The following KIF13B variants were observed in gnomAD, a reference collection of about 807,000 sequenced individuals.
The protein encoded by KIF13B is kinesin family member 13B.
Under a neutral mutation model 222.0 loss-of-function variants are expected in KIF13B, and 127 were observed. The observed-to-expected ratio is 0.57, with a 90% CI of 0.50 to 0.66. The LOEUF is 0.66. Among genes scored for constraint, KIF13B ranks in the 30% least tolerant of loss-of-function variants. The pLI, the probability that KIF13B is intolerant of heterozygous loss-of-function variation, is 0.00. For synonymous variants in KIF13B, 976 were observed against 919.0 expected (o/e 1.06, Z -1.12); for missense variants, 2,173 against 2,379.0 (o/e 0.91, Z 1.80).
chr8:29,085,023 T>A (rs1807981755), intron 37 of KIF13B, among the ~76,000 whole-genome samples: 1 of 152,268 alleles, frequency 6.6e-6, no homozygotes, highest in Non-Finnish European at 1.5e-5. Context: ...CTTATGAATA[T>A]GTTCAAACCA....
rs1264515577 is a variant in KIF13B, at chr8:29,073,583, C to G, written c.4522-1267G>C. ...TGGTGGGGTGGAGAGCACTGCTATCCAGAAGAAATATGTTTTCCGATATTT... is the reference window on the plus strand; with the variant it reads ...TGGTGGGGTGGAGAGCACTGCTATCGAGAAGAAATATGTTTTCCGATATTT... On this transcript the variant is annotated intron_variant, in intron 38 of 39. Coordinates refer to ENST00000524189, the MANE Select transcript of KIF13B (RefSeq NM_015254.4). Among the ~76,000 whole-genome samples, 10 of 152,054 alleles carry G rather than the reference C, an allele frequency of 6.6e-5. 1 individual carries two copies. The highest frequency in any genetic ancestry group is 2.4e-5 in the African/African-American group (1 of 41,386).
chr8:29,255,866 C>T (rs1816457343), intron 1 of KIF13B, among the ~76,000 whole-genome samples: 1 of 152,104 alleles, frequency 6.6e-6, no homozygotes, highest in Non-Finnish European at 1.5e-5. Flanking sequence ...CACATTTTTC[C>T]TCCCTAGGCA....
chr8:29,134,344 C>A, intron 21 of KIF13B, 134 bp from the exon 22 acceptor site: 1 of 751,032 alleles, frequency 1.3e-6, no homozygotes. Context: ...CCCATTCACC[C>A]TGAGACTGGA....
intron 1 of KIF13B, among the ~76,000 whole-genome samples, chr8:29,261,488 C>G (rs976820423): frequency 6.6e-6 from 1 of 152,168 alleles, no homozygotes; most frequent in Admixed American, 6.5e-5. Flanking sequence ...TAAGAATGTG[C>G]TGAAACCATC....
intron 2 of KIF13B, among the ~76,000 whole-genome samples, chr8:29,197,353 A>AAAAAAAAAC (rs1813483558): frequency 6.7e-6 from 1 of 149,606 alleles, no homozygotes; most frequent in South Asian, 2.1e-4. Flanking sequence ...AAAAAAAAAA[A>AAAAAAAAAC]AAAAAAAACT....
At chr8:29,158,252 T>C (rs1811624655) in intron 13 of KIF13B, among the ~76,000 whole-genome samples, 1 of 152,136 alleles carries the variant, frequency 6.6e-6, no homozygotes, top group Non-Finnish European at 1.5e-5. Flanking sequence ...TTACTGTCCA[T>C]CTTGTATTCC....
intron 3 of KIF13B, among the ~76,000 whole-genome samples, chr8:29,192,125 T>C (rs1813217896): frequency 6.6e-6 from 1 of 152,146 alleles, no homozygotes; most frequent in Admixed American, 6.5e-5. Flanking sequence ...AGATTTTGGG[T>C]CTTCTCAAGG....
At chr8:29,195,314 A>C (rs1313265873) in intron 3 of KIF13B, among the ~76,000 whole-genome samples, 4 of 152,194 alleles carry the variant, frequency 2.6e-5, no homozygotes, top group African/African-American at 9.7e-5. Context: ...GATGAGAGAA[A>C]GTTTACATAT....
At position 29,116,900 on chromosome 8, in the gene KIF13B, C is replaced by G. The variant is rs912575096; in HGVS notation, c.3768G>C (p.Gln1256His). 6.2e-7 allele frequency: 1 copy of G among 1,613,712 alleles called. No homozygotes were observed. Among genetic ancestry groups the G allele is most frequent in the Non-Finnish European group, 8.5e-7 (1 of 1,179,688 alleles). Residue 1256 changes from glutamine (Q) to histidine (H), a missense_variant, in exon 31 of 40, where the codon CAG becomes CAC. Gln to His is a conservative substitution (Grantham distance 24, BLOSUM62 0). This residue lies in a region of KIF13B where 1,480 missense variants were observed against 1,722.8 expected (regional missense o/e 0.86). Transcript: ENST00000524189. ...RLFLIVRVTV[Q>H]LSHPADMQLV... Reference sequence around the variant, plus strand: ...GTTGCATGTCAGCAGGGTGGCTGAGCTGGACCGTCACGCGCACGATCAGGA... The same window carrying G: ...GTTGCATGTCAGCAGGGTGGCTGAGGTGGACCGTCACGCGCACGATCAGGA...
chr8:29,086,432 G>A (rs1808051599), intron 37 of KIF13B, among the ~76,000 whole-genome samples: 1 of 152,150 alleles, frequency 6.6e-6, no homozygotes, highest in African/African-American at 2.4e-5. Context: ...GAGGTTAGAG[G>A]ATCACCTGAG....
chr8:29,181,813 T>C, intron 7 of KIF13B, 106 bp downstream of exon 7: 1 of 634,236 alleles, frequency 1.6e-6, no homozygotes, highest in South Asian at 2.3e-5. Context: ...TATTAAGTGA[T>C]GCTATTATAT....
chr8:29,243,087 C>A (rs1815852501), intron 2 of KIF13B, among the ~76,000 whole-genome samples: 1 of 152,176 alleles, frequency 6.6e-6, no homozygotes, highest in East Asian at 1.9e-4. Flanking sequence ...TGGCTCACGC[C>A]TGTAATCTCA....
rs745847947 is a variant in KIF13B, at chr8:29,109,922, C to T, written c.4079G>A (p.Arg1360His). The T allele has an allele frequency of 3.7e-6, 6 of 1,613,276 alleles. No individual in the cohort carries two copies. Among genetic ancestry groups the T allele is most frequent in the South Asian group, 2.2e-5 (2 of 90,864 alleles). The change falls in exon 33 of 40, where the codon CGC becomes CAC. Residue 1360 changes from arginine (R) to histidine (H), a missense_variant. This residue lies in a region of KIF13B where 1,480 missense variants were observed against 1,722.8 expected (regional missense o/e 0.86). Coordinates refer to ENST00000524189, the MANE Select transcript of KIF13B (RefSeq NM_015254.4). ...VENLLTLDRL[R>H]QEVAVKEQLT... The stretch of plus-strand genomic sequence containing the variant: ...CTATCCATGCGGTTGGCTAACCTGG[C>T]GCAGACGATCTAAAGTCAGGAGGTT...
intron 2 of KIF13B, among the ~76,000 whole-genome samples, chr8:29,243,925 G>A (rs926728708): frequency 1.3e-5 from 2 of 152,176 alleles, no homozygotes; most frequent in African/African-American, 4.8e-5. Context: ...TGTGAGACAC[G>A]TAAGACAGGT....
At chr8:29,236,294 T>C (rs1815504214) in intron 2 of KIF13B, among the ~76,000 whole-genome samples, 2 of 152,124 alleles carry the variant, frequency 1.3e-5, no homozygotes, top group Non-Finnish European at 2.9e-5. Flanking sequence ...CATCTGTGGG[T>C]AAAATCAGAT....
intron 2 of KIF13B, among the ~76,000 whole-genome samples, chr8:29,237,479 G>A (rs1413695178): frequency 6.6e-6 from 1 of 152,130 alleles, no homozygotes; most frequent in Non-Finnish European, 1.5e-5. Context: ...CACAAACCCT[G>A]AGTCCACATA....
intron 26 of KIF13B, among the ~76,000 whole-genome samples, chr8:29,126,211 G>A (rs1423164304): frequency 6.6e-6 from 1 of 152,200 alleles, no homozygotes; most frequent in Non-Finnish European, 1.5e-5. Flanking sequence ...GTCCAGGGAA[G>A]AGGATCCAGA....
At chr8:29,167,774 A>C (rs939831791) in intron 10 of KIF13B, among the ~76,000 whole-genome samples, 189 bp from the exon 11 acceptor site, 1 of 152,188 alleles carries the variant, frequency 6.6e-6, no homozygotes, top group Admixed American at 6.5e-5. Context: ...CCATTGCACT[A>C]AAAATAGGGA....
intron 14 of KIF13B, among the ~76,000 whole-genome samples, chr8:29,153,220 A>G (rs559888006): frequency 4.4e-4 from 67 of 152,362 alleles, no homozygotes; most frequent in African/African-American, 1.5e-3. Context: ...GAACCATTAC[A>G]GCCAATAATG....
Sources: gnomAD v4.1 joint callset for allele counts (sites outside exome capture counted in the v4.1 genomes callset) on GRCh38, gnomAD v4.1.1 for gene constraint, gnomAD v4.1.1 regional missense constraint, MANE v1.5 for transcripts, NCBI Gene and HGNC (gene_info 2026-07-23, HGNC 2026-07-21) for gene names.